Variants in DIDO1 observed in about 807,000 individuals in gnomAD.
DIDO1 encodes the protein death-inducer obliterator 1.
DIDO1 carries 16 observed loss-of-function variants against 99.4 expected under a neutral mutation model. The ratio of observed to expected loss-of-function variants is 0.16; its 90% CI spans 0.11 to 0.24. DIDO1 has a LOEUF of 0.24. Ranked by LOEUF, DIDO1 falls within the 10% of genes least tolerant of loss-of-function variation. The pLI is 1.00. For missense variants in DIDO1, 2,996 were observed against 3,014.0 expected, an observed-to-expected ratio of 0.99 and a Z score of 0.14; for synonymous variants, 1,366 against 1,239.1, an observed-to-expected ratio of 1.10 and a Z score of -2.15.
chr20:62,937,454 G>C (rs1027617138), intron 1 of DIDO1, among the ~76,000 whole-genome samples: 1 of 152,206 alleles, frequency 6.6e-6, no homozygotes, highest in Non-Finnish European at 1.5e-5. Flanking sequence ...GGTCTCCTTT[G>C]TCCCGCGCGC....
chr20:62,906,441 C>G (rs554916236), intron 5 of DIDO1, among the ~76,000 whole-genome samples: 1 of 152,182 alleles, frequency 6.6e-6, no homozygotes, highest in Non-Finnish European at 1.5e-5. Context: ...AGGAGGAGTG[C>G]GGCAATGAAC....
chr20:62,880,002 G>A lies in DIDO1; in HGVS notation c.5954C>T (p.Ala1985Val). 1 of 1,612,040 alleles carries A rather than the reference G, an allele frequency of 6.2e-7. No homozygotes were observed. The highest frequency in any genetic ancestry group is 8.5e-7 in the Non-Finnish European group (1 of 1,179,980). Reference protein sequence around the residue: ...PPRFTNQRAPAPLQFGGLRGS... With the variant: ...PPRFTNQRAPVPLQFGGLRGS... ...CCGTAGTCCACCAAACTGCAGGGGT[G>A]CAGGCGCCCTTTGGTTTGTGAATCT... Residue 1985 changes from alanine to valine, a missense_variant, in exon 16 of 16, where the codon GCA (alanine) becomes GTA (valine). By Grantham distance (64) the Ala-to-Val change is moderately conservative. Transcript: ENST00000395343.
rs1338642133 is a variant in DIDO1, at chr20:62,911,204, C to G, written c.409G>C (p.Ala137Pro). 4.3e-6 allele frequency: 7 copies of G among 1,613,824 alleles called. No homozygotes were observed. The South Asian group carries it at 6.6e-5, about 15-fold the overall frequency. ...CCTCCTTTCACCTTTTCAGAAGAGG[C>G]TGGTCGTTCCTTCACAGCTGTGGAA... ...SASTAVKERP[A>P]SSEKVKGGDD... Residue 137 changes from alanine (A) to proline (P), a missense_variant, in exon 3 of 16, where the codon GCC (alanine) becomes CCC (proline). This residue lies in a region of DIDO1 where 388 missense variants were observed against 376.6 expected (regional missense o/e 1.03). Transcript: ENST00000395343. This position sits in a 1 kb window ranked among gnomAD's most constrained non-coding sequence, Gnocchi z 7.0.
intron 8 of DIDO1, among the ~76,000 whole-genome samples, 168 bp from the exon 9 acceptor site, chr20:62,895,333 A>G (rs1447151580): frequency 1.3e-5 from 2 of 152,186 alleles, no homozygotes; most frequent in East Asian, 1.9e-4. Flanking sequence ...GGTGTGACCT[A>G]ACTCCCCAAA....
In DIDO1 at chr20:62,880,946, G is replaced by A. The variant is rs954087517; in HGVS notation, c.5010C>T (p.Pro1670=). 1 of 1,607,866 alleles carries A rather than the reference G, an allele frequency of 6.2e-7. No homozygotes were observed. The highest frequency in any genetic ancestry group is 8.5e-7 in the Non-Finnish European group (1 of 1,179,670). ...CACCGTCGTGCTGCAGCGGGAAGCC[G>A]GGCTGCAGGGCGCCGCAAGGCGGTG... The part of the protein sequence containing the change: ...LPTPPCGALQ[P]GFPLQHDGER... The change falls in exon 16 of 16, where the codon CCC becomes CCT. Residue 1670 remains proline, a synonymous_variant. Coordinates refer to ENST00000395343, the MANE Select transcript of DIDO1 (RefSeq NM_001193369.2).
At position 62,879,495 on chromosome 20, in the gene DIDO1, C is replaced by T. The variant is rs569349938; in HGVS notation, c.6461G>A (p.Ser2154Asn). The stretch of plus-strand genomic sequence containing the variant: ...CTCGCGCTCTCGGTCGCGGTTGGCG[C>T]TCCTCTCCCGGTTTCTGTCCCAGTC... Reference protein sequence around the residue: ...SRDWDRNRERSANRDREREAD... With the variant: ...SRDWDRNRERNANRDREREAD... The change falls in exon 16 of 16, where the codon AGC becomes AAC. Residue 2154 changes from serine (S) to asparagine (N), a missense_variant. Coordinates refer to ENST00000395343, the MANE Select transcript of DIDO1 (RefSeq NM_001193369.2). This position sits in a 1 kb window ranked among gnomAD's most constrained non-coding sequence, Gnocchi z 6.3. 11 of 1,594,808 alleles carry T rather than the reference C, an allele frequency of 6.9e-6. No homozygotes were observed. The South Asian group carries it at 1.1e-4, about 16-fold the overall frequency.
chr20:62,887,293 T>C, intron 15 of DIDO1: 1 of 985,480 alleles, frequency 1.0e-6, no homozygotes, highest in Non-Finnish European at 1.2e-6. Flanking sequence ...CTGATTACAA[T>C]TTCCATGCAA....
chr20:62,891,687 CATT>C (rs1156548118), intron 14 of DIDO1, among the ~76,000 whole-genome samples: 1 of 151,892 alleles, frequency 6.6e-6, no homozygotes, highest in East Asian at 1.9e-4. Context: ...ACCGCACATA[CATT>C]ATAATAAATC....
chr20:62,910,342 C>T (rs1042451727), intron 3 of DIDO1, among the ~76,000 whole-genome samples: 1 of 152,234 alleles, frequency 6.6e-6, no homozygotes, highest in Admixed American at 6.5e-5. Flanking sequence ...GACACCCAGT[C>T]CTAGCAGAGA....
intron 15 of DIDO1, chr20:62,888,026 CTGAGGG>C (rs887412059): frequency 3.0e-6 from 3 of 985,400 alleles, no homozygotes; most frequent in African/African-American, 1.7e-5. Context: ...TGCATGGCTC[CTGAGGG>C]TGCTGCGGGG....
At chr20:62,892,783 C>T (rs754971345) in intron 13 of DIDO1, 26 bp downstream of exon 13, 65 of 1,598,826 alleles carry the variant, frequency 4.1e-5, no homozygotes, top group South Asian at 6.6e-5. Flanking sequence ...GACACACACA[C>T]GCACACACAT....
Position 62,896,803 on chromosome 20 carries a change from G to A in DIDO1, c.1782C>T (p.Ile594=), listed in dbSNP as rs777407007. Residue 594 remains isoleucine (I), a synonymous_variant, in exon 7 of 16, where the codon ATC becomes ATT. Transcript: ENST00000395343. This position sits in a 1 kb window ranked among gnomAD's most constrained non-coding sequence, Gnocchi z 4.4. ...KKPPSGFKGT[I]PKRPWLSATP... ...TAGCGGAGAGCCATGGCCTCTTGGGGATGGTGCCCTTGAAACCTGAGGGTG... is the reference window on the plus strand; with the variant it reads ...TAGCGGAGAGCCATGGCCTCTTGGGAATGGTGCCCTTGAAACCTGAGGGTG... 1.2e-6 allele frequency: 2 copies of A among 1,614,182 alleles called. No individual in the cohort carries two copies. The highest frequency in any genetic ancestry group is 1.7e-6 in the Non-Finnish European group (2 of 1,180,046).
At chr20:62,890,842 C>A in intron 15 of DIDO1, 118 bp downstream of exon 15, 1 of 1,585,978 alleles carries the variant, frequency 6.3e-7, no homozygotes, top group Non-Finnish European at 8.6e-7. Context: ...TGCGTCTGTG[C>A]TCCTAACTCC....
intron 15 of DIDO1, among the ~76,000 whole-genome samples, chr20:62,885,194 C>G (rs2064278037): frequency 6.6e-6 from 1 of 152,220 alleles, no homozygotes; most frequent in Admixed American, 6.5e-5. Flanking sequence ...GCCAGGCCCT[C>G]TGCCTGCAGA....
Position 62,879,353 on chromosome 20 carries a change from C to T in DIDO1, c.6603G>A (p.Lys2201=). ...RSRSRERDRD[K]ARDRERGRDR... ...CGCGGCCCCGCTCCCTGTCCCTGGCCTTGTCTCGGTCCCGCTCTCTGCTCC... is the reference window on the plus strand; with the variant it reads ...CGCGGCCCCGCTCCCTGTCCCTGGCTTTGTCTCGGTCCCGCTCTCTGCTCC... The change falls in exon 16 of 16, where the codon AAG becomes AAA. Residue 2201 remains lysine (K), a synonymous_variant. Coordinates refer to ENST00000395343, the MANE Select transcript of DIDO1 (RefSeq NM_001193369.2). This position sits in a 1 kb window ranked among gnomAD's most constrained non-coding sequence, Gnocchi z 6.3. 6.4e-7 allele frequency: 1 copy of T among 1,551,144 alleles called. No homozygotes were observed. Among genetic ancestry groups the T allele is most frequent in the Non-Finnish European group, 8.7e-7 (1 of 1,149,818 alleles).
At chr20:62,926,605 G>GC (rs2065261792), upstream of DIDO1, 1 of 152,150 alleles carries the variant, frequency 6.6e-6, no homozygotes, top group Non-Finnish European at 1.5e-5. Context: ...GCGAAGCCCG[G>GC]CCCCGGACTG....
Position 62,887,446 on chromosome 20 carries a change from C to G in DIDO1, c.3541+3514G>C, listed in dbSNP as rs1445944343. The G allele has an allele frequency of 5.1e-6, 5 of 985,446 alleles. No homozygotes were observed. In the South Asian group the frequency reaches 1.4e-4, roughly 28 times the overall value. 61.0% of individuals were successfully genotyped at this position (985,446 alleles called of 1,614,324 possible). A position where few individuals can be genotyped will look rare whatever the true frequency, so the allele number is the denominator to read the frequency against. On this transcript the variant is annotated intron_variant, in intron 15 of 15. Coordinates refer to ENST00000395343, the MANE Select transcript of DIDO1 (RefSeq NM_001193369.2). The stretch of plus-strand genomic sequence containing the variant: ...GATTCAAACATTCTTCCCAGAAGAG[C>G]TTTCTAATGTATAAAGACCTCAGAG...
chr20:62,896,846 G>T lies in DIDO1; in HGVS notation c.1739C>A (p.Thr580Lys), dbSNP rs1473743720. 6 of 1,613,972 alleles carry T rather than the reference G, an allele frequency of 3.7e-6. 1 individual carries two copies. The South Asian group carries it at 6.6e-5, about 18-fold the overall frequency. The change falls in exon 7 of 16, where the codon ACA (threonine) becomes AAA (lysine). Residue 580 changes from threonine to lysine, a missense_variant. Physicochemically the swap from Thr to Lys is moderately conservative, Grantham distance 78. Coordinates refer to ENST00000395343, the MANE Select transcript of DIDO1 (RefSeq NM_001193369.2). This position sits in a 1 kb window ranked among gnomAD's most constrained non-coding sequence, Gnocchi z 4.4. ...TGAGGGTGGCTTTTTAATGGCTGGTGTGGCTGCTGCCACATTAGCAAAAGA... is the reference window on the plus strand; with the variant it reads ...TGAGGGTGGCTTTTTAATGGCTGGTTTGGCTGCTGCCACATTAGCAAAAGA... ...KSSFANVAAA[T>K]PAIKKPPSGF...
rs537980657 is a variant in DIDO1 at position 62,888,785 on chromosome 20, T to G, written c.3541+2175A>C. 6.1e-6 allele frequency: 6 copies of G among 985,472 alleles called. No homozygotes were observed. The African/African-American group carries it at 1.0e-4, about 17-fold the overall frequency. 61.0% of individuals were successfully genotyped at this position (985,472 alleles called of 1,614,324 possible). ...TACGTGAAGCGGGCCGAGTACCCGA[T>G]GGCCTGGCCCGGGGTGAAGGCTGTT... is the stretch of plus-strand genomic sequence containing the variant. On this transcript the variant is annotated intron_variant, in intron 15 of 15. Transcript: ENST00000395343.
Sources: allele counts gnomAD v4.1 joint callset (sites outside exome capture counted in the v4.1 genomes callset), GRCh38; gene constraint gnomAD v4.1.1; regional missense constraint gnomAD v4.1.1; non-coding constraint Gnocchi (gnomAD v3.1); transcripts MANE v1.5; gene names NCBI Gene and HGNC (gene_info 2026-07-23, HGNC 2026-07-21).